Variants in BICC1 observed in about 807,000 individuals in gnomAD.
The protein encoded by BICC1 is protein bicaudal C homolog 1.
Under a neutral mutation model 111.0 loss-of-function variants are expected in BICC1, and 43 were observed. That is an observed-to-expected ratio of 0.39 (90% CI 0.30 to 0.50). BICC1 has a LOEUF of 0.50. BICC1 is among the 20% of genes least tolerant of loss of function. BICC1 has a pLI of 0.88. For synonymous variants in BICC1, 467 were observed against 434.4 expected, an observed-to-expected ratio of 1.07 and a Z score of -0.93; for missense variants, 1,091 against 1,203.2, an observed-to-expected ratio of 0.91 and a Z score of 1.38.
At chr10:58,750,189 T>G (rs1328910549) in intron 3 of BICC1, among the ~76,000 whole-genome samples, 2 of 151,582 alleles carry the variant, frequency 1.3e-5, no homozygotes, top group Non-Finnish European at 2.9e-5. Flanking sequence ...ACAGCAGGAG[T>G]AGAAAAATGG....
Position 58,788,320 on chromosome 10 carries a change from T to C in BICC1, c.547-50T>C, listed in dbSNP as rs760188085. 9.6e-6 allele frequency: 13 copies of C among 1,349,316 alleles called. No homozygotes were observed. The Middle Eastern group carries it at 7.3e-4, about 76-fold the overall frequency. The allele number at this position is 1,349,316 out of a possible 1,614,324, so 83.6% of individuals were successfully genotyped here. ...GCATATAGATGAACTGGAAAAGAGA[T>C]GTGAGTTTGATTAAAATAAATCTAA... On this transcript the variant is annotated intron_variant, in intron 5 of 20. Transcript: ENST00000373886.
chr10:58,780,453 C>A (rs1842854477), intron 3 of BICC1, among the ~76,000 whole-genome samples: 1 of 152,190 alleles, frequency 6.6e-6, no homozygotes, highest in African/African-American at 2.4e-5. Flanking sequence ...ATCCTGTTCT[C>A]AGCAGCACTT....
intron 9 of BICC1, among the ~76,000 whole-genome samples, chr10:58,794,096 T>C (rs1843270005): frequency 6.6e-6 from 1 of 152,122 alleles, no homozygotes; most frequent in African/African-American, 2.4e-5. Context: ...ACATTTGTTC[T>C]TAATTTAGAA....
At chr10:58,797,332 T>C (rs1843388377) in intron 10 of BICC1, among the ~76,000 whole-genome samples, 1 of 152,134 alleles carries the variant, frequency 6.6e-6, no homozygotes, top group Non-Finnish European at 1.5e-5. Flanking sequence ...TCTTTAAAAT[T>C]TTTTTTCCAA....
intron 3 of BICC1, among the ~76,000 whole-genome samples, chr10:58,767,389 C>T (rs916265218): frequency 2.0e-5 from 3 of 152,100 alleles, no homozygotes; most frequent in African/African-American, 4.8e-5. Flanking sequence ...TAGAAAATAT[C>T]GAGAGTGCCT....
At chr10:58,793,963 G>A (rs1843265146) in intron 9 of BICC1, among the ~76,000 whole-genome samples, 1 of 152,030 alleles carries the variant, frequency 6.6e-6, no homozygotes, top group African/African-American at 2.4e-5. Flanking sequence ...TATATATTTA[G>A]TTATCTAATA....
intron 2 of BICC1, among the ~76,000 whole-genome samples, chr10:58,642,979 C>T (rs1169513814): frequency 6.6e-6 from 1 of 152,190 alleles, no homozygotes; most frequent in East Asian, 1.9e-4. Context: ...GCTAGGATTA[C>T]AGGCATGAGC....
chr10:58,753,189 G>T (rs541539772), intron 3 of BICC1, among the ~76,000 whole-genome samples: 1 of 152,020 alleles, frequency 6.6e-6, no homozygotes, highest in African/African-American at 2.4e-5. Context: ...TTGAGATAGG[G>T]CATCCCTTTG....
intron 20 of BICC1, among the ~76,000 whole-genome samples, chr10:58,821,724 A>G (rs1376200364): frequency 2.6e-5 from 4 of 152,184 alleles, no homozygotes; most frequent in African/African-American, 4.8e-5. Flanking sequence ...GGGAAAATGC[A>G]TAATTCCTGC....
At chr10:58,662,499 G>A (rs995691426) in intron 2 of BICC1, among the ~76,000 whole-genome samples, 21 of 152,270 alleles carry the variant, frequency 1.4e-4, no homozygotes, top group Admixed American at 7.2e-4. Context: ...GCAAGCATCT[G>A]TATTTACAAG....
chr10:58,649,856 G>A (rs971466055), intron 2 of BICC1, among the ~76,000 whole-genome samples: 1 of 7,098 alleles, frequency 1.4e-4, no homozygotes, highest in Non-Finnish European at 0.013. Flanking sequence ...CCTAGGATTT[G>A]GATTCAGGGG....
chr10:58,683,295 A>G (rs1839599293), intron 2 of BICC1, among the ~76,000 whole-genome samples: 1 of 152,142 alleles, frequency 6.6e-6, no homozygotes. Context: ...GCCTTGTAAT[A>G]TAGTTTGAAG....
chr10:58,604,815 G>A (rs939230953), intron 1 of BICC1, among the ~76,000 whole-genome samples: 15 of 152,172 alleles, frequency 9.9e-5, no homozygotes, highest in Admixed American at 3.9e-4. Flanking sequence ...CTTATAAACA[G>A]AAATTTATTT....
intron 2 of BICC1, among the ~76,000 whole-genome samples, chr10:58,701,600 A>G (rs1840237416): frequency 6.6e-6 from 1 of 152,216 alleles, no homozygotes; most frequent in Admixed American, 6.5e-5. Context: ...ATGAAATACA[A>G]ATGCACCCAA....
intron 3 of BICC1, among the ~76,000 whole-genome samples, chr10:58,718,777 T>TGTGTGC (rs1364513755): frequency 7.6e-6 from 1 of 131,804 alleles, no homozygotes; most frequent in African/African-American, 2.9e-5. Context: ...CGCGCGCGCG[T>TGTGTGC]GCGCGCGTGC....
chr10:58,812,773 C>A (rs749605190), intron 17 of BICC1, among the ~76,000 whole-genome samples: 1 of 152,100 alleles, frequency 6.6e-6, no homozygotes, highest in Non-Finnish European at 1.5e-5. Context: ...CCACTGCACC[C>A]GGCCTATGAT....
chr10:58,696,655 A>T (rs1376482173), intron 2 of BICC1, among the ~76,000 whole-genome samples: 1 of 152,230 alleles, frequency 6.6e-6, no homozygotes, highest in Non-Finnish European at 1.5e-5. Context: ...CCTAACAGAG[A>T]TTGGTAAAAT....
chr10:58,805,306 C>CAAA (rs879492123), intron 15 of BICC1, among the ~76,000 whole-genome samples: 1 of 135,000 alleles, frequency 7.4e-6, no homozygotes, highest in African/African-American at 2.7e-5. Flanking sequence ...AACAAACAAA[C>CAAA]AAACAAACAA....
chr10:58,801,364 C>T (rs553991267), intron 14 of BICC1, among the ~76,000 whole-genome samples: 1 of 152,152 alleles, frequency 6.6e-6, no homozygotes, highest in East Asian at 1.9e-4. Flanking sequence ...CTGATTTTTG[C>T]TGTTAGAAAT....
Sources: allele counts gnomAD v4.1 joint callset (sites outside exome capture counted in the v4.1 genomes callset), GRCh38; gene constraint gnomAD v4.1.1; transcripts MANE v1.5; gene names NCBI Gene and HGNC (gene_info 2026-07-23, HGNC 2026-07-21).